Variants in ZNF398 observed in about 807,000 individuals in gnomAD.
The protein encoded by ZNF398 is zinc finger protein 398.
ZNF398 carries 18 observed loss-of-function variants against 41.9 expected under a neutral mutation model. The ratio of observed to expected loss-of-function variants is 0.43; its 90% CI spans 0.30 to 0.64. The LOEUF (loss-of-function observed/expected upper bound fraction) is 0.64. Among genes scored for constraint, ZNF398 ranks in the 30% least tolerant of loss-of-function variants. The probability of loss-of-function intolerance (pLI) is 0.14; values close to 1 mark genes in which losing one functional copy is unlikely to be tolerated. For missense variants in ZNF398, 669 were observed against 822.8 expected, an observed-to-expected ratio of 0.81 and a Z score of 2.29; for synonymous variants, 260 against 308.8, an observed-to-expected ratio of 0.84 and a Z score of 1.66.
At chr7:149,152,132 T>A (rs1001341255) in intron 1 of ZNF398, among the ~76,000 whole-genome samples, 4 of 152,058 alleles carry the variant, frequency 2.6e-5, no homozygotes, top group Non-Finnish European at 2.9e-5. Flanking sequence ...GAGAATCGCT[T>A]GAACCCAGGC....
At chr7:149,143,776 C>T (rs1826874536), upstream of ZNF398, among the ~76,000 whole-genome samples, 1 of 152,138 alleles carries the variant, frequency 6.6e-6, no homozygotes, top group Non-Finnish European at 1.5e-5. Flanking sequence ...TGCGCCATTC[C>T]ACTCTAGTCT....
intron 5 of ZNF398, among the ~76,000 whole-genome samples, chr7:149,178,421 C>G (rs918392969): frequency 4.6e-5 from 7 of 152,210 alleles, no homozygotes; most frequent in African/African-American, 1.7e-4. Flanking sequence ...CCACTGTACT[C>G]CATCGTGGGC....
chr7:149,178,977 C>G lies in ZNF398; in HGVS notation c.1105C>G (p.Pro369Ala), dbSNP rs1402507196. ...CCAATGTAGCCATGCTACTGAGCAC[C>G]CCTTACCCTGTGCCCAGTGCCCTAA... ...THQCSHATEH[P>A]LPCAQCPKHF... The change falls in exon 6 of 6, where the codon CCC becomes GCC. Residue 369 changes from proline (P) to alanine (A), a missense_variant. By Grantham distance (27) the Pro-to-Ala change is conservative (BLOSUM62 -1). This residue lies in a region of ZNF398 where 290 missense variants were observed against 292.9 expected (regional missense o/e 0.99). Transcript: ENST00000475153. The G allele has an allele frequency of 6.2e-7, 1 of 1,614,016 alleles. No individual in the cohort carries two copies. The highest frequency in any genetic ancestry group is 8.5e-7 in the Non-Finnish European group (1 of 1,180,030).
upstream of ZNF398, among the ~76,000 whole-genome samples, chr7:149,146,934 A>T (rs1826956581): frequency 6.6e-6 from 1 of 152,104 alleles, no homozygotes; most frequent in Non-Finnish European, 1.5e-5. Flanking sequence ...GGAGACCTTA[A>T]AATATTATTG....
At chr7:149,145,942 C>CTTTTTTTTTT (rs34950278), upstream of ZNF398, among the ~76,000 whole-genome samples, 1 of 103,102 alleles carries the variant, frequency 9.7e-6, no homozygotes, top group Non-Finnish European at 1.8e-5. Flanking sequence ...CTCGCAGGTC[C>CTTTTTTTTTT]TTTTTTTTTT....
Position 149,179,752 on chromosome 7 carries a change from T to G in ZNF398, c.1880T>G (p.Leu627Arg), listed in dbSNP as rs1795551953. 2 of 1,610,390 alleles carry G rather than the reference T, an allele frequency of 1.2e-6. No individual in the cohort carries two copies. The highest frequency in any genetic ancestry group is 1.7e-6 in the Non-Finnish European group (2 of 1,177,776). The change falls in exon 6 of 6, where the codon CTA becomes CGA. Residue 627 changes from leucine (L) to arginine (R), a missense_variant. Leu to Arg is a moderately radical substitution (Grantham distance 102). Around this residue, in one of 3 missense-constraint regions of ZNF398, gnomAD observed 210 missense variants for 290.4 expected, o/e 0.72. Transcript: ENST00000475153. This position sits in a 1 kb window ranked among gnomAD's most constrained non-coding sequence, Gnocchi z 6.1. ...TSGLGVNTEG[L>R]ETNQWYGEGS... The stretch of plus-strand genomic sequence containing the variant: ...GGCCTGGGTGTCAACACTGAAGGTC[T>G]AGAGACCAACCAGTGGTATGGGGAA...
At chr7:149,167,900 C>T (rs960727788) in intron 4 of ZNF398, among the ~76,000 whole-genome samples, 3 of 151,942 alleles carry the variant, frequency 2.0e-5, no homozygotes, top group South Asian at 2.1e-4. Context: ...CCTGAGCCAC[C>T]GCCACATTTA....
At chr7:149,148,058 G>T in intron 1 of ZNF398, 1 of 351,096 alleles carries the variant, frequency 2.8e-6, no homozygotes, top group South Asian at 1.4e-4. Flanking sequence ...TGCCTGCTGC[G>T]TGTCAGCCCC....
rs765271345 is a variant in ZNF398 at position 149,179,393 on chromosome 7, C to T, written c.1521C>T (p.Gly507=). 116 of 1,613,582 alleles carry T rather than the reference C, an allele frequency of 7.2e-5. 1 individual carries two copies. The highest frequency in any genetic ancestry group is 3.2e-4 in the Admixed American group (19 of 59,996). The change falls in exon 6 of 6, where the codon GGC becomes GGT. Residue 507 remains glycine (G), a synonymous_variant. Coordinates refer to ENST00000475153, the MANE Select transcript of ZNF398 (RefSeq NM_170686.3). The surrounding 1 kb of genome is among the most constrained non-coding windows in gnomAD (Gnocchi z 6.1). ...ALIRHQMIHT[G]ERPYPCTDCS... Reference sequence around the variant, plus strand: ...TCCGCCACCAGATGATCCACACAGGCGAGCGTCCTTACCCCTGCACTGACT... The same window carrying T: ...TCCGCCACCAGATGATCCACACAGGTGAGCGTCCTTACCCCTGCACTGACT...
In ZNF398 at chr7:149,149,682, ATT is replaced by A. The variant is rs567290340; in HGVS notation, c.24+1926_24+1927del. On this transcript the variant is annotated intron_variant, in intron 1 of 5. Coordinates refer to ENST00000475153, the MANE Select transcript of ZNF398 (RefSeq NM_170686.3). ...GGAAGACCCCATCTCTACAAAAAAAATTTTTTTTTTTAAATTAGCCAGGCGTG... is the reference window on the plus strand; with the variant it reads ...GGAAGACCCCATCTCTACAAAAAAAATTTTTTTTTAAATTAGCCAGGCGTG... Among the ~76,000 whole-genome samples, 541 of 150,310 alleles carry A rather than the reference ATT, an allele frequency of 3.6e-3. 3 individuals carry two copies. The highest frequency in any genetic ancestry group is 0.011 in the African/African-American group (469 of 40,950).
chr7:149,141,705 C>T (rs556218256), intron 2 of ZNF398, among the ~76,000 whole-genome samples: 111 of 152,196 alleles, frequency 7.3e-4, no homozygotes, highest in East Asian at 7.0e-3. Context: ...CCACCTGCCT[C>T]GGCCTCCCAA....
chr7:149,171,010 ATTTT>A (rs71192761), intron 4 of ZNF398, among the ~76,000 whole-genome samples: 1 of 137,298 alleles, frequency 7.3e-6, no homozygotes, highest in Non-Finnish European at 1.5e-5. Flanking sequence ...CGCCCGGCTA[ATTTT>A]TTTTTTTTTT....
Position 149,182,110 on chromosome 7 carries a change from G to C in ZNF398, c.*2309G>C, listed in dbSNP as rs977186881. ...TTTGCCAAGAACACAGCTTATTAGT[G>C]AAAGAGACCTGTGGATTGAAATGGC... On this transcript the variant is annotated 3_prime_UTR_variant, in exon 6 of 6. Coordinates refer to ENST00000475153, the MANE Select transcript of ZNF398 (RefSeq NM_170686.3). The C allele has an allele frequency of 2.0e-5, 3 of 152,184 alleles. No individual in the cohort carries two copies. Among genetic ancestry groups the C allele is most frequent in the African/African-American group, 7.2e-5 (3 of 41,438 alleles). 9.4% of individuals were successfully genotyped at this position (152,184 alleles called of 1,614,324 possible).
chr7:149,172,690 C>G (rs1795372742), intron 4 of ZNF398, among the ~76,000 whole-genome samples: 1 of 152,094 alleles, frequency 6.6e-6, no homozygotes, highest in African/African-American at 2.4e-5. Context: ...ACTGTTGCAC[C>G]TCAAACTGCA....
chr7:149,135,408 A>AAAAGAAAG (rs1300336798), intron 2 of ZNF398, among the ~76,000 whole-genome samples: 1 of 148,678 alleles, frequency 6.7e-6, no homozygotes, highest in African/African-American at 2.5e-5. Flanking sequence ...AAAAAAAAAA[A>AAAAGAAAG]AAAGAAAGAA....
At chr7:149,166,321 G>A (rs1469801319) in intron 3 of ZNF398, 37 bp downstream of exon 3, 1 of 1,557,818 alleles carries the variant, frequency 6.4e-7, no homozygotes, top group Non-Finnish European at 8.7e-7. Context: ...TGAAGTGACA[G>A]CAGCTCCAAG....
At chr7:149,139,072 A>C (rs1001875108) in intron 2 of ZNF398, among the ~76,000 whole-genome samples, 1 of 152,054 alleles carries the variant, frequency 6.6e-6, no homozygotes, top group Non-Finnish European at 1.5e-5. Flanking sequence ...CACCACGCCC[A>C]GCTAATTTTG....
rs533609925 is a variant in ZNF398 at position 149,135,985 on chromosome 7, C to T, written c.-490+7041C>T. Reference sequence around the variant, plus strand: ...AATAACAATAATAATAATAATAAAGCTTTAATTTTGATTAAGTCCAATTTG... The same window carrying T: ...AATAACAATAATAATAATAATAAAGTTTTAATTTTGATTAAGTCCAATTTG... On this transcript the variant is annotated intron_variant, in intron 2 of 6. Coordinates refer to the ZNF398 transcript ENST00000426851. 2.0e-5 allele frequency among the ~76,000 whole-genome samples: 3 copies of T among 152,082 alleles called. No homozygotes were observed. The South Asian group carries it at 6.2e-4, about 32-fold the overall frequency.
At chr7:149,175,327 A>G (rs1795439298) in intron 4 of ZNF398, among the ~76,000 whole-genome samples, 2 of 151,892 alleles carry the variant, frequency 1.3e-5, no homozygotes, top group Non-Finnish European at 2.9e-5. Flanking sequence ...CAGCTTGCCA[A>G]CTTGTCCATT....
Sources: allele counts gnomAD v4.1 joint callset (sites outside exome capture counted in the v4.1 genomes callset), GRCh38; gene constraint gnomAD v4.1.1; regional missense constraint gnomAD v4.1.1; non-coding constraint Gnocchi (gnomAD v3.1); transcripts MANE v1.5; gene names NCBI Gene and HGNC (gene_info 2026-07-23, HGNC 2026-07-21).